ATAD2B: variants seen among roughly 807,000 people sequenced by gnomAD.
ATAD2B encodes ATPase family AAA domain containing 2B.
ATAD2B carries 40 observed loss-of-function variants against 167.6 expected under a neutral mutation model. The ratio of observed to expected loss-of-function variants is 0.24; its 90% CI spans 0.19 to 0.31. The LOEUF (loss-of-function observed/expected upper bound fraction) is 0.31. Among genes scored for constraint, ATAD2B ranks in the 10% least tolerant of loss-of-function variants. The probability of loss-of-function intolerance (pLI) is 1.00; values close to 1 mark genes in which losing one functional copy is unlikely to be tolerated. For missense variants in ATAD2B, 1,242 were observed against 1,757.2 expected (o/e 0.71, Z 5.24); for synonymous variants, 579 against 596.5 (o/e 0.97, Z 0.43).
intron 22 of ATAD2B, among the ~76,000 whole-genome samples, chr2:23,767,000 G>C (rs1677519719): frequency 6.6e-6 from 1 of 151,478 alleles, no homozygotes; most frequent in Non-Finnish European, 1.5e-5. Flanking sequence ...GAGATTTCAA[G>C]AAACTGAAAT....
At position 23,834,064 on chromosome 2, in the gene ATAD2B, G is replaced by T; in HGVS notation, c.1583C>A (p.Thr528Asn). 1 of 1,595,892 alleles carries T rather than the reference G, an allele frequency of 6.3e-7. No homozygotes were observed. Among genetic ancestry groups the T allele is most frequent in the Non-Finnish European group, 8.5e-7 (1 of 1,171,518 alleles). ...QDQIHSSIVS[T>N]LLALMDGLDN... ...TAATCCATCCATAAGAGCAAGGAGG[G>T]TTGATACTATAGAGCTGTAAAATAA... is the stretch of plus-strand genomic sequence containing the variant. The change falls in exon 14 of 28, where the codon ACC becomes AAC. Residue 528 changes from threonine to asparagine, a missense_variant. This residue lies in a region of ATAD2B where 151 missense variants were observed against 284.1 expected (regional missense o/e 0.53). Transcript: ENST00000238789.
At chr2:23,900,645 T>C (rs1255019203) in intron 1 of ATAD2B, 1 of 152,202 alleles carries the variant, frequency 6.6e-6, no homozygotes, top group Non-Finnish European at 1.5e-5. Context: ...AGCATTATTA[T>C]ATAACATATT....
intron 22 of ATAD2B, among the ~76,000 whole-genome samples, chr2:23,771,188 ACTT>A (rs1678270685): frequency 1.3e-5 from 2 of 152,352 alleles, no homozygotes; most frequent in South Asian, 4.1e-4. Flanking sequence ...TGTTCTAATA[ACTT>A]CTTTAAATAT....
In ATAD2B at chr2:23,754,787, C is replaced by A. The variant is rs766180320; in HGVS notation, c.4079-13G>T. ...ACTTTAGAAGCACCTATAATTGAGA[C>A]AAAAAAATACACTGCAGCAAGTAAA... On this transcript the variant is annotated splice_polypyrimidine_tract_variant and intron_variant, in intron 25 of 27. Transcript: ENST00000238789. 2.5e-6 allele frequency: 4 copies of A among 1,598,244 alleles called. No homozygotes were observed. The highest frequency in any genetic ancestry group is 1.1e-5 in the South Asian group (1 of 88,434).
At position 23,754,709 on chromosome 2, in the gene ATAD2B, G is replaced by A. The variant is rs1262149152; in HGVS notation, c.4144C>T (p.Leu1382=). The part of the protein sequence containing the change: ...LEQAKTTSLE[L]VPEEPSEPVP... Reference sequence around the variant, plus strand: ...GGCTCAGATGGCTCTTCTGGAACCAGTTCCAGGCTTGTCGTTTTTGCCTGC... The same window carrying A: ...GGCTCAGATGGCTCTTCTGGAACCAATTCCAGGCTTGTCGTTTTTGCCTGC... Residue 1382 remains leucine (L), a synonymous_variant, in exon 26 of 28, where the codon CTG becomes TTG. Transcript: ENST00000238789. The A allele has an allele frequency of 1.9e-6, 3 of 1,613,012 alleles. No individual in the cohort carries two copies. In the Admixed American group the frequency reaches 5.0e-5, roughly 27 times the overall value.
the ATAD2B span, among the ~76,000 whole-genome samples, chr2:23,702,183 AC>A: frequency 6.6e-6 from 1 of 152,032 alleles, no homozygotes; most frequent in Non-Finnish European, 1.5e-5. Flanking sequence ...GAGCACCTTG[AC>A]TGATGATGGG....
the ATAD2B span, among the ~76,000 whole-genome samples, chr2:23,736,543 C>A: frequency 2.6e-5 from 4 of 152,124 alleles, no homozygotes; most frequent in Non-Finnish European, 5.9e-5. Context: ...GAAACAAAAA[C>A]AAAATGCTAC....
intron 22 of ATAD2B, among the ~76,000 whole-genome samples, chr2:23,766,614 G>T (rs1284996533): frequency 2.6e-5 from 4 of 152,140 alleles, no homozygotes; most frequent in African/African-American, 9.7e-5. Flanking sequence ...CTGCACCAGG[G>T]AAAGCTGGAT....
At chr2:23,832,314 C>G in intron 14 of ATAD2B, 1 of 433,562 alleles carries the variant, frequency 2.3e-6, no homozygotes, top group Non-Finnish European at 4.7e-6. Context: ...GGCCTTTCCA[C>G]AGACCCAGGC....
At chr2:23,732,758 CCTT>C in the ATAD2B span, among the ~76,000 whole-genome samples, 1 of 152,290 alleles carries the variant, frequency 6.6e-6, no homozygotes, top group African/African-American at 2.4e-5. Context: ...GACCAACACT[CCTT>C]CTAGTCTCTT....
At chr2:23,892,058 A>C (rs1263468679) in intron 2 of ATAD2B, among the ~76,000 whole-genome samples, 1 of 152,258 alleles carries the variant, frequency 6.6e-6, no homozygotes, top group African/African-American at 2.4e-5. Flanking sequence ...AATATGCCTC[A>C]GCAGTCCACA....
chr2:23,854,387 G>A (rs1001605840), intron 13 of ATAD2B, among the ~76,000 whole-genome samples: 1 of 151,762 alleles, frequency 6.6e-6, no homozygotes, highest in African/African-American at 2.4e-5. Flanking sequence ...AATATTAAGA[G>A]CTAACACTGG....
chr2:23,682,814 C>T, the ATAD2B span, among the ~76,000 whole-genome samples: 1 of 152,198 alleles, frequency 6.6e-6, no homozygotes, highest in Non-Finnish European at 1.5e-5. This position sits in a 1 kb window ranked among gnomAD's most constrained non-coding sequence, Gnocchi z 4.1. Flanking sequence ...AGCCAGAGCC[C>T]CCTTCCGCAC....
In ATAD2B at chr2:23,907,903, T is replaced by C. The variant is rs568763242; in HGVS notation, c.217-11933A>G. Reference sequence around the variant, plus strand: ...AGAAATGGGGAAAGGATTCCCTATTTAATAAATGGTGCTGGGAAAACTGGC... The same window carrying C: ...AGAAATGGGGAAAGGATTCCCTATTCAATAAATGGTGCTGGGAAAACTGGC... On this transcript the variant is annotated intron_variant, in intron 1 of 27. Transcript: ENST00000238789. 2.1e-4 allele frequency among the ~76,000 whole-genome samples: 32 copies of C among 152,242 alleles called. No individual in the cohort carries two copies. The Middle Eastern group carries it at 0.01, about 49-fold the overall frequency.
Position 23,864,923 on chromosome 2 carries a change from A to T in ATAD2B, c.1190T>A (p.Val397Glu). The T allele has an allele frequency of 6.5e-7, 1 of 1,549,722 alleles. No individual in the cohort carries two copies. Among genetic ancestry groups the T allele is most frequent in the Non-Finnish European group, 8.7e-7 (1 of 1,153,698 alleles). Residue 397 changes from valine (V) to glutamate (E), a missense_variant and splice_region_variant, in exon 11 of 28, where the codon GTA (valine) becomes GAA (glutamate). Val to Glu is a moderately radical substitution (Grantham distance 121). Around this residue, in one of 9 missense-constraint regions of ATAD2B, gnomAD observed 127 missense variants for 146.3 expected, o/e 0.87. Coordinates refer to ENST00000238789, the MANE Select transcript of ATAD2B (RefSeq NM_017552.4). ...CAATCCACCTATGCTATCAAACCGTACCTTGGAAAGAAGGGGAAAAATTTG... is the reference window on the plus strand; with the variant it reads ...CAATCCACCTATGCTATCAAACCGTTCCTTGGAAAGAAGGGGAAAAATTTG... ...DVDPMNIDKS[V>E]RFDSIGGLSH...
intron 22 of ATAD2B, among the ~76,000 whole-genome samples, chr2:23,768,412 A>G (rs2712073): frequency 0.039 from 5,948 of 152,054 alleles, 114 homozygotes; most frequent in South Asian, 0.046. Flanking sequence ...CTGTACAAAA[A>G]GTACAAAAAT....
the ATAD2B span, chr2:23,695,670 C>T: frequency 6.4e-7 from 1 of 1,551,678 alleles, no homozygotes; most frequent in Non-Finnish European, 8.7e-7. This position sits in a 1 kb window ranked among gnomAD's most constrained non-coding sequence, Gnocchi z 7.6. Context: ...TCATCCACCC[C>T]AGCTACCTGC....
chr2:23,844,440 C>A (rs1691413548), intron 13 of ATAD2B, among the ~76,000 whole-genome samples: 1 of 151,930 alleles, frequency 6.6e-6, no homozygotes, highest in African/African-American at 2.4e-5. Context: ...CAGGAAAACA[C>A]AATCCGTAAT....
At chr2:23,682,997 G>C in the ATAD2B span, among the ~76,000 whole-genome samples, 2 of 152,246 alleles carry the variant, frequency 1.3e-5, no homozygotes, top group African/African-American at 2.4e-5. This position sits in a 1 kb window ranked among gnomAD's most constrained non-coding sequence, Gnocchi z 4.1. Context: ...GTCTTCAGCA[G>C]AGCCCAGTGT....
Sources: allele counts gnomAD v4.1 joint callset (sites outside exome capture counted in the v4.1 genomes callset), GRCh38; gene constraint gnomAD v4.1.1; regional missense constraint gnomAD v4.1.1; non-coding constraint Gnocchi (gnomAD v3.1); transcripts MANE v1.5; gene names NCBI Gene and HGNC (gene_info 2026-07-23, HGNC 2026-07-21).